CCDC146: variants seen among roughly 807,000 people sequenced by gnomAD.
CCDC146 encodes the protein coiled-coil domain containing 146.
CCDC146 carries 92 observed loss-of-function variants against 119.3 expected under a neutral mutation model. The ratio of observed to expected loss-of-function variants is 0.77; its 90% CI spans 0.65 to 0.92. The LOEUF (loss-of-function observed/expected upper bound fraction) is 0.92. Ranked by LOEUF, CCDC146 falls within the 40% of genes least tolerant of loss-of-function variation. The pLI, the probability that CCDC146 is intolerant of heterozygous loss-of-function variation, is 0.00. For synonymous variants in CCDC146, 372 were observed against 371.8 expected, an observed-to-expected ratio of 1.00 and a Z score of -0.01; for missense variants, 1,000 against 1,103.0, an observed-to-expected ratio of 0.91 and a Z score of 1.32.
At chr7:77,261,552 A>T (rs991324172) in intron 8 of CCDC146, among the ~76,000 whole-genome samples, 2 of 152,036 alleles carry the variant, frequency 1.3e-5, no homozygotes, top group African/African-American at 4.8e-5. Context: ...ATCTCGGCTC[A>T]CTGCAAGCTC....
At chr7:77,163,615 G>T (rs560668214) in intron 1 of CCDC146, among the ~76,000 whole-genome samples, 9 of 152,070 alleles carry the variant, frequency 5.9e-5, no homozygotes, top group Admixed American at 2.6e-4. Context: ...GGTATGAAAA[G>T]GGATGAGATC....
chr7:77,185,364 G>A (rs10274863), intron 2 of CCDC146, among the ~76,000 whole-genome samples: 14,192 of 152,166 alleles, frequency 0.093, 2,174 homozygotes, highest in African/African-American at 0.32. Context: ...TTTGATAAAC[G>A]TTTAAACATA....
At chr7:77,239,629 TTGG>T (rs1792806842) in intron 3 of CCDC146, among the ~76,000 whole-genome samples, 1 of 152,110 alleles carries the variant, frequency 6.6e-6, no homozygotes, top group Non-Finnish European at 1.5e-5. Context: ...GTGAGGACAG[TTGG>T]TGGGGAGCAT....
At chr7:77,283,946 T>C (rs1391845053) in intron 15 of CCDC146, among the ~76,000 whole-genome samples, 1 of 152,198 alleles carries the variant, frequency 6.6e-6, no homozygotes, top group Non-Finnish European at 1.5e-5. Context: ...TCAGTAAGTG[T>C]AGTCAGATTG....
intron 2 of CCDC146, among the ~76,000 whole-genome samples, chr7:77,190,685 C>T (rs960725271): frequency 3.3e-5 from 5 of 152,198 alleles, no homozygotes; most frequent in African/African-American, 9.7e-5. Context: ...ATTTCCACCT[C>T]TTTCCAGTCA....
chr7:77,263,718 G>T (rs965772215), intron 9 of CCDC146, among the ~76,000 whole-genome samples: 1 of 152,220 alleles, frequency 6.6e-6, no homozygotes, highest in African/African-American at 2.4e-5. Flanking sequence ...GAGGTCAGAA[G>T]TTCAAGACCA....
chr7:77,197,636 T>C (rs905771321), intron 2 of CCDC146, among the ~76,000 whole-genome samples: 2 of 152,234 alleles, frequency 1.3e-5, no homozygotes, highest in East Asian at 3.8e-4. Context: ...GAAGGTTTTA[T>C]AGCATATATT....
chr7:77,186,812 A>G (rs1203751493), intron 2 of CCDC146, among the ~76,000 whole-genome samples: 1 of 152,196 alleles, frequency 6.6e-6, no homozygotes, highest in Non-Finnish European at 1.5e-5. Flanking sequence ...ATTTATAGAC[A>G]AAAAAGATAA....
Position 77,152,350 on chromosome 7 carries a change from A to G in CCDC146, c.-11-15308A>G, listed in dbSNP as rs188881355. ...ACCTTCAAAGGAAGAAAATAAATTGAGTAAGGGATGCTGCCCCAGGAGAGA... is the reference window on the plus strand; with the variant it reads ...ACCTTCAAAGGAAGAAAATAAATTGGGTAAGGGATGCTGCCCCAGGAGAGA... On this transcript the variant is annotated intron_variant, in intron 1 of 18. Transcript: ENST00000285871. Among the ~76,000 whole-genome samples, 11 of 152,356 alleles carry G rather than the reference A, an allele frequency of 7.2e-5. No homozygotes were observed. The East Asian group carries it at 9.6e-4, about 13-fold the overall frequency.
Position 77,236,988 on chromosome 7 carries a change from G to A in CCDC146, c.198G>A (p.Ala66=), listed in dbSNP as rs535901399. 112 of 1,614,120 alleles carry A rather than the reference G, an allele frequency of 6.9e-5. 2 individuals are homozygous for A. In the South Asian group the frequency reaches 1.1e-3, roughly 16 times the overall value. The change falls in exon 3 of 19, where the codon GCG becomes GCA. Residue 66 remains alanine (A), a synonymous_variant. Coordinates refer to ENST00000285871, the MANE Select transcript of CCDC146 (RefSeq NM_020879.3). ...MGKLPGTRMA[A]LKAKYTLLHD... ...AACTTCCTGGAACCAGAATGGCAGC[G>A]TTAAAAGCCAAGTATACCTTGCTGC...
intron 2 of CCDC146, among the ~76,000 whole-genome samples, chr7:77,192,622 T>C (rs1274056542): frequency 6.6e-6 from 1 of 152,200 alleles, no homozygotes; most frequent in Non-Finnish European, 1.5e-5. Flanking sequence ...GATTTTATCT[T>C]GTAGAAAATA....
intron 2 of CCDC146, 40 bp downstream of exon 2, chr7:77,167,864 T>A: frequency 1.3e-6 from 2 of 1,598,752 alleles, no homozygotes; most frequent in South Asian, 2.3e-5. Context: ...AAAACCCAAC[T>A]CAACATGTAC....
chr7:77,205,382 A>G (rs1792064524), intron 2 of CCDC146, among the ~76,000 whole-genome samples: 1 of 152,222 alleles, frequency 6.6e-6, no homozygotes. Context: ...TGCAGAACTC[A>G]TGGCCAGCAG....
At chr7:77,148,017 A>C (rs944841670) in intron 1 of CCDC146, among the ~76,000 whole-genome samples, 1 of 152,224 alleles carries the variant, frequency 6.6e-6, no homozygotes, top group South Asian at 2.1e-4. Context: ...GGTGGAGCCT[A>C]CAGAGGCAGG....
At chr7:77,213,980 C>T (rs942625864) in intron 2 of CCDC146, among the ~76,000 whole-genome samples, 1 of 152,092 alleles carries the variant, frequency 6.6e-6, no homozygotes, top group African/African-American at 2.4e-5. Flanking sequence ...TTGAGAATCC[C>T]AGCAGTGGGA....
At chr7:77,286,348 C>CCTT (rs1467686808) in intron 15 of CCDC146, among the ~76,000 whole-genome samples, 1 of 152,126 alleles carries the variant, frequency 6.6e-6, no homozygotes, top group Non-Finnish European at 1.5e-5. Context: ...CATGAAGGCC[C>CCTT]CATCCTGCCC....
At chr7:77,254,334 GA>G (rs1227129454) in intron 4 of CCDC146, among the ~76,000 whole-genome samples, 171 bp from the exon 5 acceptor site, 1 of 152,168 alleles carries the variant, frequency 6.6e-6, no homozygotes, top group Non-Finnish European at 1.5e-5. Flanking sequence ...TGGGGAGGAG[GA>G]AGCACCCCAA....
chr7:77,238,825 A>G (rs1488467302), intron 3 of CCDC146, among the ~76,000 whole-genome samples: 2 of 152,164 alleles, frequency 1.3e-5, no homozygotes, highest in African/African-American at 2.4e-5. Context: ...ACAAGTAGCA[A>G]TGCAGGACCT....
At chr7:77,135,421 C>T (rs576047259) in intron 1 of CCDC146, among the ~76,000 whole-genome samples, 1 of 150,526 alleles carries the variant, frequency 6.6e-6, no homozygotes, top group Admixed American at 6.6e-5. Context: ...CCAGAAGATT[C>T]AGGCTGCAGC....
Sources: allele counts gnomAD v4.1 joint callset (sites outside exome capture counted in the v4.1 genomes callset), GRCh38; gene constraint gnomAD v4.1.1; transcripts MANE v1.5; gene names NCBI Gene and HGNC (gene_info 2026-07-23, HGNC 2026-07-21).